Variants in ETV6 observed in about 807,000 individuals in gnomAD.
ETV6 encodes ETS variant transcription factor 6, also known as transcription factor ETV6.
A neutral mutation model predicts 51.1 loss-of-function variants in ETV6; 16 were observed. The observed-to-expected ratio is 0.31, with a 90% CI of 0.21 to 0.48. The LOEUF (loss-of-function observed/expected upper bound fraction) is 0.48, where lower values mean the gene tolerates loss of function less well. ETV6 is among the 20% of genes least tolerant of loss of function. The probability of loss-of-function intolerance (pLI) is 0.99; values close to 1 mark genes in which losing one functional copy is unlikely to be tolerated. For missense variants in ETV6, 458 were observed against 594.8 expected (o/e 0.77, Z 2.39); for synonymous variants, 240 against 224.1 (o/e 1.07, Z -0.64).
intron 2 of ETV6, among the ~76,000 whole-genome samples, chr12:11,826,233 G>T (rs1261073106): frequency 6.6e-6 from 1 of 152,120 alleles, no homozygotes; most frequent in African/African-American, 2.4e-5. Flanking sequence ...CCTCAGGGGA[G>T]CATTTTTGCA....
chr12:11,803,927 C>CATG (rs1945789358), intron 2 of ETV6, among the ~76,000 whole-genome samples: 1 of 151,918 alleles, frequency 6.6e-6, no homozygotes, highest in Admixed American at 6.6e-5. Context: ...GTATCATCAT[C>CATG]ATCATCATCA....
intron 1 of ETV6, among the ~76,000 whole-genome samples, chr12:11,671,514 A>T (rs1864315399): frequency 1.3e-5 from 2 of 152,228 alleles, no homozygotes; most frequent in Non-Finnish European, 2.9e-5. Context: ...AAGGAAAGAG[A>T]AATATTTAAG....
At chr12:11,707,772 G>C (rs1209825365) in intron 1 of ETV6, among the ~76,000 whole-genome samples, 1 of 152,200 alleles carries the variant, frequency 6.6e-6, no homozygotes, top group African/African-American at 2.4e-5. Context: ...TGGCACACAG[G>C]CATTGGCCAT....
In ETV6 at chr12:11,746,884, C is replaced by G. The variant is rs1050571544; in HGVS notation, c.34-5566C>G. On this transcript the variant is annotated intron_variant, in intron 1 of 7. Transcript: ENST00000396373. ...TTAAGATGCTTTGACTTAATTGTAT[C>G]TGCTTGACAGAAGCAATATACTGCC... Among the ~76,000 whole-genome samples the G allele has an allele frequency of 6.9e-5, 10 of 145,876 alleles. No homozygotes were observed. In the East Asian group the frequency reaches 2.0e-3, roughly 30 times the overall value.
intron 2 of ETV6, among the ~76,000 whole-genome samples, chr12:11,793,872 C>T (rs1363295932): frequency 6.6e-6 from 1 of 152,228 alleles, no homozygotes; most frequent in Non-Finnish European, 1.5e-5. Flanking sequence ...CAGCAGAGAA[C>T]TGTGTCCACC....
At chr12:11,752,294 G>T (rs1465001784) in intron 1 of ETV6, among the ~76,000 whole-genome samples, 156 bp from the exon 2 acceptor site, 1 of 152,116 alleles carries the variant, frequency 6.6e-6, no homozygotes, top group African/African-American at 2.4e-5. Context: ...TGTATACAGT[G>T]TCTCTACGGA....
At position 11,834,874 on chromosome 12, in the gene ETV6, G is replaced by A. The variant is rs536090320; in HGVS notation, c.164-4266G>A. ...AATAGAGATCACATACTCTAAGCCC[G>A]TCATTGTACAGATGAAGTCACTGAG... On this transcript the variant is annotated intron_variant, in intron 2 of 7. Coordinates refer to ENST00000396373, the MANE Select transcript of ETV6 (RefSeq NM_001987.5). Among the ~76,000 whole-genome samples, 45 of 152,288 alleles carry A rather than the reference G, an allele frequency of 3.0e-4. No individual in the cohort carries two copies. In the Middle Eastern group the frequency reaches 0.01, roughly 35 times the overall value.
chr12:11,874,638 GTGTA>G (rs1231381795), intron 5 of ETV6, among the ~76,000 whole-genome samples: 80 of 4,226 alleles, frequency 0.019, 30 homozygotes, highest in African/African-American at 0.028. Context: ...GTATGTGTGT[GTGTA>G]TATACACATA....
chr12:11,884,046 G>A (rs1050520983), intron 5 of ETV6, among the ~76,000 whole-genome samples: 1 of 152,034 alleles, frequency 6.6e-6, no homozygotes, highest in African/African-American at 2.4e-5. Context: ...TAACCATCAG[G>A]ACCCTCTTTC....
intron 1 of ETV6, among the ~76,000 whole-genome samples, chr12:11,664,553 A>G (rs1173609461): frequency 6.6e-6 from 1 of 152,152 alleles, no homozygotes; most frequent in Non-Finnish European, 1.5e-5. Context: ...CCTCTCTGTC[A>G]TTCTTCAAAG....
intron 5 of ETV6, among the ~76,000 whole-genome samples, chr12:11,876,909 A>G (rs1249762607): frequency 1.3e-5 from 2 of 152,218 alleles, no homozygotes; most frequent in Admixed American, 6.5e-5. Context: ...CTTCGCAGCA[A>G]TCCTTGGAAT....
At chr12:11,747,366 A>G (rs137902279) in intron 1 of ETV6, among the ~76,000 whole-genome samples, 1 of 152,290 alleles carries the variant, frequency 6.6e-6, no homozygotes, top group East Asian at 1.9e-4. Flanking sequence ...GGGCCCCTAT[A>G]CCATCTTGGA....
At chr12:11,742,195 G>T (rs1243304020) in intron 1 of ETV6, among the ~76,000 whole-genome samples, 1 of 152,176 alleles carries the variant, frequency 6.6e-6, no homozygotes, top group Non-Finnish European at 1.5e-5. Context: ...AATCACTGTT[G>T]TCATGCACAC....
chr12:11,747,395 G>A (rs1865928051), intron 1 of ETV6, among the ~76,000 whole-genome samples: 1 of 152,048 alleles, frequency 6.6e-6, no homozygotes. Context: ...CCATCTTCTG[G>A]TAACTCTCTG....
intron 1 of ETV6, among the ~76,000 whole-genome samples, chr12:11,653,949 A>C (rs1200559937): frequency 1.3e-5 from 2 of 151,858 alleles, no homozygotes; most frequent in South Asian, 4.2e-4. Context: ...AGTAGTTGGG[A>C]TTACAGGTGC....
rs555352464 is a variant in ETV6 at position 11,775,040 on chromosome 12, T to A, written c.163+22461T>A. 5.3e-5 allele frequency among the ~76,000 whole-genome samples: 8 copies of A among 152,348 alleles called. No individual in the cohort carries two copies. The East Asian group carries it at 1.3e-3, about 26-fold the overall frequency. On this transcript the variant is annotated intron_variant, in intron 2 of 7. Transcript: ENST00000396373. Reference sequence around the variant, plus strand: ...CAGACTTGTGTGTGGCTAGACGCCCTCTGTGTGCTGTATTTGTAATTCTCT... The same window carrying A: ...CAGACTTGTGTGTGGCTAGACGCCCACTGTGTGCTGTATTTGTAATTCTCT...
chr12:11,697,098 A>G (rs1321086405), intron 1 of ETV6, among the ~76,000 whole-genome samples: 1 of 152,340 alleles, frequency 6.6e-6, no homozygotes, highest in Admixed American at 6.5e-5. Flanking sequence ...GTGAATCTAC[A>G]TGGATTACAT....
At chr12:11,757,843 C>G (rs527638600) in intron 2 of ETV6, among the ~76,000 whole-genome samples, 1 of 152,178 alleles carries the variant, frequency 6.6e-6, no homozygotes, top group Admixed American at 6.5e-5. Flanking sequence ...GCTTCTCCCT[C>G]GTAGTAGGAT....
In ETV6 at chr12:11,891,459, T is replaced by TCTATTA. The variant is rs1947285782; in HGVS notation, c.*413_*414insCTATTA. The TCTATTA allele has an allele frequency of 2.3e-6, 1 of 444,420 alleles. No individual in the cohort carries two copies. The highest frequency in any genetic ancestry group is 2.0e-5 in the African/African-American group (1 of 50,038). 27.5% of individuals were successfully genotyped at this position (444,420 alleles called of 1,614,324 possible). ...GTTTTCCTATGGAAATATATATCTA[T>TCTATTA]TATATATATATTTTTTGCAAATCTC... On this transcript the variant is annotated 3_prime_UTR_variant, in exon 8 of 8. Transcript: ENST00000396373.
Sources: allele counts gnomAD v4.1 joint callset (sites outside exome capture counted in the v4.1 genomes callset), GRCh38; gene constraint gnomAD v4.1.1; transcripts MANE v1.5; gene names NCBI Gene and HGNC (gene_info 2026-07-23, HGNC 2026-07-21).